KCNC2: variants seen among roughly 807,000 people sequenced by gnomAD.
The protein encoded by KCNC2 is voltage-gated potassium channel KCNC2.
A neutral mutation model predicts 44.5 loss-of-function variants in KCNC2; 21 were observed. The observed-to-expected ratio is 0.47, with a 90% CI of 0.33 to 0.68. The LOEUF (loss-of-function observed/expected upper bound fraction) is 0.68, where lower values mean the gene tolerates loss of function less well. KCNC2 is among the 30% of genes least tolerant of loss of function. The pLI is 0.01. For missense variants in KCNC2, 589 were observed against 826.2 expected (o/e 0.71, Z 3.52); for synonymous variants, 391 against 339.1 (o/e 1.15, Z -1.68).
Position 75,041,044 on chromosome 12 carries a change from T to C in KCNC2, c.*2061A>G, listed in dbSNP as rs1879839929. On this transcript the variant is annotated 3_prime_UTR_variant, in exon 5 of 5. Transcript: ENST00000549446. The stretch of plus-strand genomic sequence containing the variant: ...TTCCAGCCGCAGTTCTTTTATAAGC[T>C]TTAAGTGCCTCATGAAGACGCGAGG... 1 of 1,399,650 alleles carries C rather than the reference T, an allele frequency of 7.1e-7. No individual in the cohort carries two copies. The allele number at this position is 1,399,650 out of a possible 1,614,324, so 86.7% of individuals were successfully genotyped here.
Position 75,041,552 on chromosome 12 carries a change from T to C in KCNC2, c.*1553A>G. On this transcript the variant is annotated 3_prime_UTR_variant, in exon 5 of 5. Transcript: ENST00000549446. ...CCCTCTATTTATATTACGGTCTTTT[T>C]CTTCCCTCACATGCTCAATACATGA... 1 of 1,114,162 alleles carries C rather than the reference T, an allele frequency of 9.0e-7. No individual in the cohort carries two copies. The highest frequency in any genetic ancestry group is 6.3e-5 in the East Asian group (1 of 15,862). 69.0% of individuals were successfully genotyped at this position (1,114,162 alleles called of 1,614,324 possible). A position where few individuals can be genotyped will look rare whatever the true frequency, so the allele number is the denominator to read the frequency against.
chr12:75,086,494 A>G (rs1243428059), intron 2 of KCNC2, among the ~76,000 whole-genome samples: 2 of 151,902 alleles, frequency 1.3e-5, no homozygotes, highest in South Asian at 2.1e-4. Flanking sequence ...TTGAAATACT[A>G]AAATGCATGT....
chr12:75,208,096 G>T, intron 1 of KCNC2, 94 bp from the exon 2 acceptor site: 1 of 1,445,918 alleles, frequency 6.9e-7, no homozygotes, highest in Non-Finnish European at 9.4e-7. Flanking sequence ...GTCCAGGGAT[G>T]CAGAGTTGGC....
At chr12:75,107,510 A>G (rs1886885402) in intron 2 of KCNC2, among the ~76,000 whole-genome samples, 1 of 152,208 alleles carries the variant, frequency 6.6e-6, no homozygotes, top group Non-Finnish European at 1.5e-5. Context: ...AGATTTCTCG[A>G]AGATTAATTT....
At chr12:75,066,210 C>A (rs941394462) in intron 2 of KCNC2, among the ~76,000 whole-genome samples, 4 of 151,900 alleles carry the variant, frequency 2.6e-5, no homozygotes, top group African/African-American at 9.6e-5. Context: ...ATAAAATTTT[C>A]TTTTTGCTTT....
intron 2 of KCNC2, among the ~76,000 whole-genome samples, chr12:75,061,774 C>T (rs1882367242): frequency 6.6e-6 from 1 of 152,044 alleles, no homozygotes; most frequent in Admixed American, 6.6e-5. Context: ...TTTTCTTACT[C>T]TTAACCAATC....
rs575040058 is a variant in KCNC2 at position 75,207,013 on chromosome 12, G to A, written c.687+284C>T. ...TACCCGTTTCAGGACAGGGTCCAAA[G>A]ACGTGCACAGAAAAGTCGACATTGG... On this transcript the variant is annotated intron_variant, in intron 2 of 4. Transcript: ENST00000549446. This position sits in a 1 kb window ranked among gnomAD's most constrained non-coding sequence, Gnocchi z 4.1. 1.7e-3 allele frequency among the ~76,000 whole-genome samples: 261 copies of A among 152,336 alleles called. No homozygotes were observed. Among genetic ancestry groups the A allele is most frequent in the African/African-American group, 5.9e-3 (247 of 41,580 alleles).
intron 2 of KCNC2, among the ~76,000 whole-genome samples, chr12:75,072,171 C>A (rs1345354900): frequency 6.6e-6 from 1 of 152,108 alleles, no homozygotes. Flanking sequence ...CTTTCTGATG[C>A]TGCCTGTGTT....
intron 2 of KCNC2, among the ~76,000 whole-genome samples, chr12:75,065,104 C>T (rs1272989249): frequency 1.3e-5 from 2 of 151,962 alleles, no homozygotes; most frequent in African/African-American, 4.8e-5. Flanking sequence ...ATTTGATGGT[C>T]CATAATCTTT....
intron 2 of KCNC2, among the ~76,000 whole-genome samples, chr12:75,168,492 A>G (rs1891602116): frequency 6.6e-6 from 1 of 151,526 alleles, no homozygotes; most frequent in Non-Finnish European, 1.5e-5. Context: ...ACAAAGCTAT[A>G]ATTATCAATT....
chr12:75,205,350 T>A (rs891464624), intron 2 of KCNC2, among the ~76,000 whole-genome samples: 1 of 147,266 alleles, frequency 6.8e-6, no homozygotes, highest in Non-Finnish European at 1.5e-5. Context: ...TGATTCTGCT[T>A]CTACTTGCTC....
intron 2 of KCNC2, among the ~76,000 whole-genome samples, chr12:75,166,903 G>C (rs1299963749): frequency 1.3e-5 from 2 of 151,046 alleles, no homozygotes; most frequent in African/African-American, 4.8e-5. Context: ...GAAAAGAAGA[G>C]CAAATAAGCC....
At chr12:75,206,426 T>C (rs1485282517) in intron 2 of KCNC2, among the ~76,000 whole-genome samples, 1 of 152,218 alleles carries the variant, frequency 6.6e-6, no homozygotes, top group Non-Finnish European at 1.5e-5. Flanking sequence ...GAAGAATTAA[T>C]TGGGAATGTC....
Position 75,048,128 on chromosome 12 carries a change from A to G in KCNC2, c.1780+25T>C, listed in dbSNP as rs1486861090. The G allele has an allele frequency of 1.9e-6, 3 of 1,605,550 alleles. No individual in the cohort carries two copies. In the African/African-American group the frequency reaches 4.0e-5, roughly 21 times the overall value. On this transcript the variant is annotated intron_variant, in intron 4 of 4. Coordinates refer to ENST00000549446, the MANE Select transcript of KCNC2 (RefSeq NM_139137.4). ...ACAGTTTATTGCTAAGTCACCTGTT[A>G]TGATCTGATTAAATGCATGCCTACC...
intron 4 of KCNC2, among the ~76,000 whole-genome samples, chr12:75,047,353 A>G (rs1310918545): frequency 6.6e-6 from 1 of 152,096 alleles, no homozygotes; most frequent in Non-Finnish European, 1.5e-5. Flanking sequence ...TAGTTTAGAC[A>G]GTTGGTACAA....
chr12:75,176,713 A>G (rs1892208639), intron 2 of KCNC2, among the ~76,000 whole-genome samples: 1 of 151,936 alleles, frequency 6.6e-6, no homozygotes, highest in African/African-American at 2.4e-5. Context: ...AGAATAATTC[A>G]TTTCTAATGA....
At chr12:75,126,488 A>G (rs772680595) in intron 2 of KCNC2, among the ~76,000 whole-genome samples, 7 of 152,176 alleles carry the variant, frequency 4.6e-5, no homozygotes, top group Non-Finnish European at 1.0e-4. Context: ...TAAAAACACT[A>G]TTGATTACAG....
intron 2 of KCNC2, among the ~76,000 whole-genome samples, chr12:75,149,651 A>G (rs1890255572): frequency 6.6e-6 from 1 of 151,814 alleles, no homozygotes; most frequent in South Asian, 2.1e-4. Flanking sequence ...TTAAATAGCC[A>G]ATGTTTGTTT....
chr12:75,186,904 C>A (rs1280295681), intron 2 of KCNC2, among the ~76,000 whole-genome samples: 1 of 152,132 alleles, frequency 6.6e-6, no homozygotes. Flanking sequence ...ACATCTCAGT[C>A]CTTCAGTTTT....
Sources: gnomAD v4.1 joint callset for allele counts (sites outside exome capture counted in the v4.1 genomes callset) on GRCh38, gnomAD v4.1.1 for gene constraint, Gnocchi (gnomAD v3.1) non-coding constraint, MANE v1.5 for transcripts, NCBI Gene and HGNC (gene_info 2026-07-23, HGNC 2026-07-21) for gene names.